MEF2C: variants seen among roughly 807,000 people sequenced by gnomAD.
MEF2C encodes myocyte-specific enhancer factor 2C.
In MEF2C, 6 loss-of-function variants were observed where a neutral mutation model predicts 50.5. The observed-to-expected ratio is 0.12, with a 90% CI of 0.07 to 0.23. The LOEUF (loss-of-function observed/expected upper bound fraction) is 0.23. Among genes scored for constraint, MEF2C ranks in the 10% least tolerant of loss-of-function variants. MEF2C has a pLI of 1.00. For synonymous variants in MEF2C, 183 were observed against 228.0 expected, an observed-to-expected ratio of 0.80 and a Z score of 1.78; for missense variants, 276 against 605.0, an observed-to-expected ratio of 0.46 and a Z score of 5.70.
At chr5:88,871,033 C>T (rs1004646181) in intron 1 of MEF2C, among the ~76,000 whole-genome samples, 3 of 151,968 alleles carry the variant, frequency 2.0e-5, no homozygotes, top group South Asian at 2.1e-4. Context: ...GGCTCAATAG[C>T]GGTAGAGAGG....
intron 1 of MEF2C, among the ~76,000 whole-genome samples, chr5:88,869,312 T>A (rs1276997694): frequency 9.0e-6 from 1 of 111,660 alleles, no homozygotes; most frequent in East Asian, 2.5e-4. Flanking sequence ...TATATATATA[T>A]ATACACATAT....
At chr5:88,890,200 C>A (rs1444174000) in intron 1 of MEF2C, among the ~76,000 whole-genome samples, 1 of 152,196 alleles carries the variant, frequency 6.6e-6, no homozygotes, top group East Asian at 1.9e-4. Flanking sequence ...GAAAAAGCCA[C>A]AAAGTAAAGC....
intron 6 of MEF2C, among the ~76,000 whole-genome samples, chr5:88,748,605 T>G (rs563440695): frequency 1.3e-5 from 2 of 152,346 alleles, no homozygotes; most frequent in African/African-American, 4.8e-5. Flanking sequence ...CCAATGTGAT[T>G]TTATTTTATT....
At chr5:88,756,098 G>A (rs113731612) in intron 4 of MEF2C, among the ~76,000 whole-genome samples, 40 of 152,266 alleles carry the variant, frequency 2.6e-4, no homozygotes, top group Non-Finnish European at 3.1e-4. Flanking sequence ...AATATACCAA[G>A]ATCATTTGTA....
intron 1 of MEF2C, among the ~76,000 whole-genome samples, chr5:88,854,278 A>G (rs1822462137): frequency 6.6e-6 from 1 of 152,220 alleles, no homozygotes; most frequent in Admixed American, 6.5e-5. Context: ...CCAGTCAGGT[A>G]GTATAGCAGA....
At chr5:88,743,377 G>A in intron 6 of MEF2C, 1 of 985,300 alleles carries the variant, frequency 1.0e-6, no homozygotes, top group Non-Finnish European at 1.2e-6. Flanking sequence ...AAGAAAGTCA[G>A]CCAAGAAATT....
chr5:88,857,068 T>G (rs1246431811), intron 1 of MEF2C, among the ~76,000 whole-genome samples: 2 of 152,192 alleles, frequency 1.3e-5, no homozygotes, highest in Admixed American at 6.5e-5. Context: ...GCTGGGGGGC[T>G]ATACCCTGCA....
intron 1 of MEF2C, among the ~76,000 whole-genome samples, chr5:88,888,525 T>TAAA (rs1834215468): frequency 6.6e-6 from 1 of 152,228 alleles, no homozygotes; most frequent in African/African-American, 2.4e-5. Flanking sequence ...TTTAGGTTTT[T>TAAA]AGGCTTAGGC....
chr5:88,741,728 TATA>T lies in MEF2C; in HGVS notation c.637+7339_637+7341del, dbSNP rs575249724. ...TTTAAATACAACATAATCGGTTCTT[TATA>T]ATAACTGGAGGTGGTGGGTGGACTC... On this transcript the variant is annotated intron_variant, in intron 6 of 10. Coordinates refer to ENST00000504921, the MANE Select transcript of MEF2C (RefSeq NM_002397.5). The T allele has an allele frequency of 5.7e-4, 563 of 984,242 alleles. 2 individuals are homozygous for T. Among genetic ancestry groups the T allele is most frequent in the South Asian group, 5.5e-3 (116 of 21,270 alleles). The allele number at this position is 984,242 out of a possible 1,614,324, so 61.0% of individuals were successfully genotyped here. A position where few individuals can be genotyped will look rare whatever the true frequency, so the allele number is the denominator to read the frequency against.
intron 3 of MEF2C, among the ~76,000 whole-genome samples, chr5:88,802,751 T>C (rs1363397694): frequency 6.6e-6 from 1 of 152,230 alleles, no homozygotes; most frequent in African/African-American, 2.4e-5. Context: ...ACCTGGCCAA[T>C]ATATGAAGTT....
In MEF2C at chr5:88,784,019, A is replaced by G. The variant is rs556103965; in HGVS notation, c.258+20579T>C. Among the ~76,000 whole-genome samples the G allele has an allele frequency of 2.7e-4, 41 of 152,388 alleles. 1 individual carries two copies. Among genetic ancestry groups the G allele is most frequent in the South Asian group, 2.5e-3 (12 of 4,834 alleles). Reference sequence around the variant, plus strand: ...CACTTTCAGAAATGAAGGTAAAAATATAACAAAAATCTTGAATGCTTTAAT... The same window carrying G: ...CACTTTCAGAAATGAAGGTAAAAATGTAACAAAAATCTTGAATGCTTTAAT... On this transcript the variant is annotated intron_variant, in intron 3 of 10. Transcript: ENST00000504921.
At chr5:88,748,956 C>A (rs1771272288) in intron 6 of MEF2C, 114 bp downstream of exon 6, 2 of 1,524,762 alleles carry the variant, frequency 1.3e-6, no homozygotes, top group Non-Finnish European at 8.8e-7. Context: ...GTCATTTTTC[C>A]ATGCCTCTCA....
chr5:88,816,910 T>G (rs1347525925), intron 2 of MEF2C, among the ~76,000 whole-genome samples: 4 of 151,978 alleles, frequency 2.6e-5, no homozygotes, highest in Non-Finnish European at 5.9e-5. Context: ...AATTTTTCAC[T>G]GATTGAGCTT....
At chr5:88,769,134 A>G (rs1183207177) in intron 3 of MEF2C, among the ~76,000 whole-genome samples, 3 of 152,252 alleles carry the variant, frequency 2.0e-5, no homozygotes, top group African/African-American at 4.8e-5. Flanking sequence ...TAGCAAAGGA[A>G]AAACAAAACC....
chr5:88,772,928 T>C, intron 3 of MEF2C: 1 of 985,320 alleles, frequency 1.0e-6, no homozygotes, highest in Non-Finnish European at 1.2e-6. Context: ...GCTTGTGATA[T>C]GCCATCCCAG....
intron 3 of MEF2C, among the ~76,000 whole-genome samples, chr5:88,794,596 G>T (rs1795228381): frequency 6.6e-6 from 1 of 152,120 alleles, no homozygotes; most frequent in South Asian, 2.1e-4. Context: ...TGGGTTGCCT[G>T]TTCACTCTGA....
intron 2 of MEF2C, among the ~76,000 whole-genome samples, chr5:88,823,199 T>C (rs1350536453): frequency 2.6e-5 from 4 of 151,986 alleles, no homozygotes; most frequent in Non-Finnish European, 4.4e-5. Flanking sequence ...TCCTTGCCTA[T>C]ATGTTTTAAG....
intron 1 of MEF2C, among the ~76,000 whole-genome samples, chr5:88,893,435 T>C (rs770937714): frequency 6.6e-6 from 1 of 151,846 alleles, no homozygotes. Flanking sequence ...GTTGGCCAGG[T>C]TGGTCTTGAA....
intron 1 of MEF2C, among the ~76,000 whole-genome samples, chr5:88,876,456 T>C (rs1831093859): frequency 6.6e-6 from 1 of 152,018 alleles, no homozygotes; most frequent in Admixed American, 6.6e-5. Context: ...CATTAAGCAA[T>C]AATGCCAGTT....
Sources: gnomAD v4.1 joint callset for allele counts (sites outside exome capture counted in the v4.1 genomes callset) on GRCh38, gnomAD v4.1.1 for gene constraint, MANE v1.5 for transcripts, NCBI Gene and HGNC (gene_info 2026-07-23, HGNC 2026-07-21) for gene names.